TAFA5: variants seen among roughly 807,000 people sequenced by gnomAD.
TAFA5 encodes the protein TAFA chemokine like family member 5, also known as chemokine-like protein TAFA-5.
In TAFA5, 6 loss-of-function variants were observed where a neutral mutation model predicts 15.3. The observed-to-expected ratio is 0.39, with a 90% CI of 0.21 to 0.77. TAFA5 has a LOEUF of 0.77. Ranked by LOEUF, TAFA5 falls within the 30% of genes least tolerant of loss-of-function variation. TAFA5 has a pLI of 0.41. For synonymous variants in TAFA5, 103 were observed against 80.7 expected (o/e 1.28, Z -1.48); for missense variants, 161 against 193.1 (o/e 0.83, Z 0.98).
intron 1 of TAFA5, among the ~76,000 whole-genome samples, chr22:48,551,367 G>A (rs974367816): frequency 4.6e-5 from 7 of 152,148 alleles, no homozygotes; most frequent in African/African-American, 9.7e-5. Context: ...TGCCAGCCCC[G>A]TCTAGCCCCA....
intron 1 of TAFA5, among the ~76,000 whole-genome samples, chr22:48,497,153 C>A (rs1255998408): frequency 6.6e-6 from 1 of 152,234 alleles, no homozygotes; most frequent in Non-Finnish European, 1.5e-5. Context: ...CCATGGAAAT[C>A]AGCCCTGCCA....
intron 2 of TAFA5, among the ~76,000 whole-genome samples, chr22:48,652,707 C>A (rs892383411): frequency 6.6e-6 from 1 of 152,218 alleles, no homozygotes; most frequent in Non-Finnish European, 1.5e-5. Flanking sequence ...TTACTGGGCA[C>A]CCGCTCCCCT....
chr22:48,626,640 T>A (rs1926034307), intron 1 of TAFA5, among the ~76,000 whole-genome samples: 1 of 152,242 alleles, frequency 6.6e-6, no homozygotes, highest in Admixed American at 6.5e-5. Context: ...GCGGTTTGTC[T>A]TTTCATCCTC....
intron 2 of TAFA5, among the ~76,000 whole-genome samples, chr22:48,688,072 G>A (rs1228951900): frequency 7.1e-6 from 1 of 141,508 alleles, no homozygotes; most frequent in African/African-American, 2.6e-5. Context: ...TACAGTTGGG[G>A]TTTTTTATTG....
At chr22:48,537,837 T>C (rs1369871413) in intron 1 of TAFA5, among the ~76,000 whole-genome samples, 1 of 152,198 alleles carries the variant, frequency 6.6e-6, no homozygotes, top group African/African-American at 2.4e-5. Flanking sequence ...GGGCAGACCC[T>C]GTACCCCTGG....
chr22:48,556,291 G>T (rs1434020609), intron 1 of TAFA5, among the ~76,000 whole-genome samples: 1 of 152,190 alleles, frequency 6.6e-6, no homozygotes, highest in Non-Finnish European at 1.5e-5. Context: ...CTCCTGCAGA[G>T]CAGCCCCTCT....
intron 2 of TAFA5, among the ~76,000 whole-genome samples, chr22:48,691,217 G>A (rs1928530925): frequency 6.6e-6 from 1 of 152,168 alleles, no homozygotes; most frequent in South Asian, 2.1e-4. Context: ...CGAGGTGCAG[G>A]GGCCACTTCT....
intron 1 of TAFA5, among the ~76,000 whole-genome samples, chr22:48,528,580 C>T (rs990743487): frequency 6.6e-6 from 1 of 152,204 alleles, no homozygotes; most frequent in African/African-American, 2.4e-5. Flanking sequence ...GCCTGTGCAC[C>T]TGCCCCACCT....
intron 2 of TAFA5, among the ~76,000 whole-genome samples, chr22:48,688,179 G>A (rs1928425130): frequency 1.3e-5 from 2 of 151,966 alleles, no homozygotes; most frequent in Admixed American, 1.3e-4. Context: ...CTTCATAAAG[G>A]GAGGCGTTTC....
intron 1 of TAFA5, among the ~76,000 whole-genome samples, chr22:48,529,114 C>A (rs133479): frequency 0.24 from 37,137 of 152,030 alleles, 4,903 homozygotes; most frequent in Middle Eastern, 0.3. Flanking sequence ...CGCTCTGGCG[C>A]TGCATGCCTA....
At chr22:48,612,387 G>A (rs1419608311) in intron 1 of TAFA5, among the ~76,000 whole-genome samples, 1 of 152,162 alleles carries the variant, frequency 6.6e-6, no homozygotes, top group Non-Finnish European at 1.5e-5. Context: ...ACTGCAAAGG[G>A]GTTAAATGGC....
intron 1 of TAFA5, among the ~76,000 whole-genome samples, chr22:48,492,989 G>A (rs1928208456): frequency 6.6e-6 from 1 of 152,212 alleles, no homozygotes; most frequent in Non-Finnish European, 1.5e-5. Context: ...TCTTGACCCA[G>A]CTAGAGCTGG....
At chr22:48,679,190 T>TGC (rs1304457787) in intron 2 of TAFA5, among the ~76,000 whole-genome samples, 3 of 19,210 alleles carry the variant, frequency 1.6e-4, no homozygotes. Flanking sequence ...CCCGGCTCCC[T>TGC]GTCCATCCCT....
At chr22:48,510,612 G>A (rs1458834064) in intron 1 of TAFA5, among the ~76,000 whole-genome samples, 1 of 152,244 alleles carries the variant, frequency 6.6e-6, no homozygotes, top group African/African-American at 2.4e-5. Flanking sequence ...GCTGTATTCT[G>A]GGGTGGGGGA....
At chr22:48,579,684 T>C (rs1224791065) in intron 1 of TAFA5, among the ~76,000 whole-genome samples, 1 of 152,256 alleles carries the variant, frequency 6.6e-6, no homozygotes, top group Non-Finnish European at 1.5e-5. Flanking sequence ...CTGGAAGTCT[T>C]GAGTCACTTG....
At chr22:48,669,855 C>G (rs182182312) in intron 2 of TAFA5, among the ~76,000 whole-genome samples, 59 of 152,258 alleles carry the variant, frequency 3.9e-4, no homozygotes, top group Non-Finnish European at 6.2e-4. Flanking sequence ...AAGGCTATTG[C>G]AAAGCTGAGA....
At chr22:48,510,916 G>A (rs938072539) in intron 1 of TAFA5, among the ~76,000 whole-genome samples, 1 of 152,256 alleles carries the variant, frequency 6.6e-6, no homozygotes, top group African/African-American at 2.4e-5. Flanking sequence ...ATGGGTTTTA[G>A]TTGTTTGCAA....
chr22:48,618,689 G>A (rs569719246), intron 1 of TAFA5, among the ~76,000 whole-genome samples: 2 of 152,338 alleles, frequency 1.3e-5, no homozygotes, highest in Admixed American at 6.5e-5. Flanking sequence ...GGCCCTTGCT[G>A]CTCTGCTGGG....
At chr22:48,532,751 C>T (rs1237915962) in intron 1 of TAFA5, among the ~76,000 whole-genome samples, 1 of 152,196 alleles carries the variant, frequency 6.6e-6, no homozygotes, top group Non-Finnish European at 1.5e-5. Context: ...CCTGGAAGGA[C>T]CCGGGCCACT....
Sources: gnomAD v4.1 joint callset for allele counts (sites outside exome capture counted in the v4.1 genomes callset) on GRCh38, gnomAD v4.1.1 for gene constraint, MANE v1.5 for transcripts, NCBI Gene and HGNC (gene_info 2026-07-23, HGNC 2026-07-21) for gene names.